LY6S: variants seen among roughly 807,000 people sequenced by gnomAD.
LY6S encodes the protein lymphocyte antigen 6 family member S.
the LY6S span, chr8:143,043,264 T>C: frequency 7.3e-7 from 1 of 1,360,800 alleles, no homozygotes; most frequent in South Asian, 1.1e-5. Flanking sequence ...ACGGCACTTG[T>C]AAGTTTCAGC....
chr8:143,044,609 C>A, the LY6S span: 4 of 1,286,580 alleles, frequency 3.1e-6, no homozygotes, highest in South Asian at 5.3e-5. Flanking sequence ...GGACCTTGGT[C>A]CATCATGCAG....
At chr8:143,072,384 T>C in the LY6S span, among the ~76,000 whole-genome samples, 1 of 125,844 alleles carries the variant, frequency 7.9e-6, no homozygotes, top group African/African-American at 3.4e-5. Flanking sequence ...GTCCTCGGGA[T>C]TCCTCTTTGA....
chr8:143,070,461 TATAATATATATATAAATATATATATA>T, the LY6S span, among the ~76,000 whole-genome samples: 4 of 44,052 alleles, frequency 9.1e-5, no homozygotes, highest in African/African-American at 2.9e-4. Flanking sequence ...TATATATATA[TATAATATATATATAAATATATATATA>T]TATTTTTTTT....
the LY6S span, chr8:143,065,873 T>C: frequency 2.8e-5 from 5 of 175,798 alleles, no homozygotes; most frequent in African/African-American, 1.2e-4. Context: ...TTTGTTTTCC[T>C]CCCGAGAATA....
At chr8:143,052,268 G>C in the LY6S span, among the ~76,000 whole-genome samples, 4 of 152,024 alleles carry the variant, frequency 2.6e-5, no homozygotes, top group Non-Finnish European at 5.9e-5. Context: ...GGGACACAGC[G>C]AGACTCCGTC....
the LY6S span, chr8:143,043,193 G>A: frequency 1.5e-5 from 20 of 1,367,600 alleles, no homozygotes; most frequent in East Asian, 4.6e-4. Context: ...AGGGGCTGCT[G>A]GCTGCCAGGA....
chr8:143,066,389 T>G, the LY6S span: 4 of 197,562 alleles, frequency 2.0e-5, no homozygotes, highest in Non-Finnish European at 4.1e-5. Flanking sequence ...CTGGAACTCA[T>G]GACCTCAGGT....
chr8:143,059,970 T>C, the LY6S span: 2 of 152,226 alleles, frequency 1.3e-5, no homozygotes, highest in Non-Finnish European at 2.9e-5. Flanking sequence ...ATTATAGATA[T>C]GATTATATAT....
At chr8:143,072,748 G>A in the LY6S span, among the ~76,000 whole-genome samples, 134 of 94,900 alleles carry the variant, frequency 1.4e-3, 2 homozygotes, top group African/African-American at 5.4e-3. Context: ...GACAGCCGTC[G>A]TCCTCGGGGT....
At chr8:143,069,244 A>C in the LY6S span, among the ~76,000 whole-genome samples, 1 of 152,232 alleles carries the variant, frequency 6.6e-6, no homozygotes, top group Non-Finnish European at 1.5e-5. Flanking sequence ...GTGAGGGCTT[A>C]GTCACCCTGT....
the LY6S span, among the ~76,000 whole-genome samples, chr8:143,073,909 C>G: frequency 0.031 from 4,199 of 134,252 alleles, 318 homozygotes; most frequent in African/African-American, 0.12. Flanking sequence ...CCATCATCCT[C>G]GTGGTCCCTG....
At chr8:143,049,474 G>T in the LY6S span, among the ~76,000 whole-genome samples, 7 of 152,148 alleles carry the variant, frequency 4.6e-5, no homozygotes, top group Non-Finnish European at 1.0e-4. Context: ...GGTATTTATG[G>T]CCTTACAACG....
At chr8:143,075,249 CTT>C in the LY6S span, among the ~76,000 whole-genome samples, 25 of 152,296 alleles carry the variant, frequency 1.6e-4, no homozygotes, top group East Asian at 2.9e-3. The surrounding 1 kb of genome is among the most constrained non-coding windows in gnomAD (Gnocchi z 4.1). Context: ...AGTCCTGTCT[CTT>C]TTCTTCAGTT....
the LY6S span, among the ~76,000 whole-genome samples, chr8:143,071,194 C>CGTGGAATAT: frequency 4.6e-5 from 7 of 151,604 alleles, no homozygotes; most frequent in African/African-American, 9.7e-5. Flanking sequence ...GAAGACCCGG[C>CGTGGAATAT]AGCATGGATG....
At chr8:143,050,750 C>A in the LY6S span, among the ~76,000 whole-genome samples, 1 of 152,154 alleles carries the variant, frequency 6.6e-6, no homozygotes, top group South Asian at 2.1e-4. Flanking sequence ...GGGGTGCACC[C>A]TCTAGAATCC....
chr8:143,044,011 T>C, the LY6S span, among the ~76,000 whole-genome samples: 3 of 152,058 alleles, frequency 2.0e-5, no homozygotes, highest in Non-Finnish European at 4.4e-5. Context: ...CACTGAAGGG[T>C]GTGGCCTGGG....
chr8:143,043,335 T>G, the LY6S span: 52 of 1,040,580 alleles, frequency 5.0e-5, no homozygotes, highest in Middle Eastern at 2.5e-4. Flanking sequence ...CCCTCTCACT[T>G]TACCTGCGAG....
At chr8:143,066,549 CT>C in the LY6S span, 14 of 318,636 alleles carry the variant, frequency 4.4e-5, no homozygotes, top group South Asian at 1.0e-4. Flanking sequence ...GGCTGTGGCC[CT>C]TTTTGGCATG....
chr8:143,072,727 C>T, the LY6S span, among the ~76,000 whole-genome samples: 1 of 137,446 alleles, frequency 7.3e-6, no homozygotes, highest in Non-Finnish European at 1.6e-5. Flanking sequence ...CTCGGGATTC[C>T]TGTTTGAGGA....
Sources: gnomAD v4.1 joint callset for allele counts (sites outside exome capture counted in the v4.1 genomes callset) on GRCh38, gnomAD v4.1.1 for gene constraint, Gnocchi (gnomAD v3.1) non-coding constraint, MANE v1.5 for transcripts, NCBI Gene and HGNC (gene_info 2026-07-23, HGNC 2026-07-21) for gene names.